Variants in ZBTB7C observed in about 807,000 individuals in gnomAD.
The protein encoded by ZBTB7C is zinc finger and BTB domain containing 7C.
In ZBTB7C, 8 loss-of-function variants were observed where a neutral mutation model predicts 25.7. The ratio of observed to expected loss-of-function variants is 0.31; its 90% CI spans 0.18 to 0.56. ZBTB7C has a LOEUF of 0.56. Among genes scored for constraint, ZBTB7C ranks in the 20% least tolerant of loss-of-function variants. The pLI, the probability that ZBTB7C is intolerant of heterozygous loss-of-function variation, is 0.91. For missense variants in ZBTB7C, 824 were observed against 855.2 expected, an observed-to-expected ratio of 0.96 and a Z score of 0.46; for synonymous variants, 394 against 369.0, an observed-to-expected ratio of 1.07 and a Z score of -0.78.
intron 3 of ZBTB7C, chr18:48,041,455 G>A: frequency 2.0e-6 from 2 of 985,430 alleles, no homozygotes; most frequent in Non-Finnish European, 2.4e-6. Context: ...ACAACTGCAG[G>A]ATGAAAAGCC....
chr18:48,269,565 C>T (rs1179040874), intron 2 of ZBTB7C, among the ~76,000 whole-genome samples: 1 of 152,218 alleles, frequency 6.6e-6, no homozygotes, highest in East Asian at 1.9e-4. Context: ...GGTTCAGCAT[C>T]AGGAGCTTCT....
intron 3 of ZBTB7C, among the ~76,000 whole-genome samples, chr18:48,161,690 TGCCCGGCCCG>T: frequency 7.1e-6 from 1 of 140,362 alleles, no homozygotes; most frequent in South Asian, 2.3e-4. Flanking sequence ...TTCACTCGGC[TGCCCGGCCCG>T]GCCCGGCCCG....
chr18:48,325,352 A>C (rs948066013), intron 2 of ZBTB7C, among the ~76,000 whole-genome samples: 1 of 152,216 alleles, frequency 6.6e-6, no homozygotes, highest in African/African-American at 2.4e-5. Context: ...GCAGCCTGTA[A>C]TACAATATAA....
intron 1 of ZBTB7C, among the ~76,000 whole-genome samples, chr18:48,374,668 C>A (rs529503199): frequency 6.6e-6 from 1 of 152,240 alleles, no homozygotes; most frequent in African/African-American, 2.4e-5. Context: ...TGTTCACCAG[C>A]CTGGTATTAC....
intron 1 of ZBTB7C, among the ~76,000 whole-genome samples, chr18:48,395,281 G>A (rs1031361831): frequency 9.0e-5 from 5 of 55,504 alleles, no homozygotes; most frequent in African/African-American, 2.6e-4. Flanking sequence ...GTGTGTGTGT[G>A]TGTGTGTGTG....
chr18:48,351,768 C>G (rs1440764032), intron 1 of ZBTB7C, among the ~76,000 whole-genome samples: 1 of 152,188 alleles, frequency 6.6e-6, no homozygotes, highest in Non-Finnish European at 1.5e-5. Context: ...GCAGCCAGAG[C>G]CAGGCCTACG....
intron 1 of ZBTB7C, 95 bp downstream of exon 1, chr18:48,409,131 C>T (rs1199317310): frequency 6.6e-6 from 1 of 151,306 alleles, no homozygotes; most frequent in Non-Finnish European, 1.5e-5. Context: ...CCGCCCGCCG[C>T]CCCGCGACCT....
chr18:48,320,870 G>A (rs961564980), intron 2 of ZBTB7C, among the ~76,000 whole-genome samples: 11 of 152,194 alleles, frequency 7.2e-5, no homozygotes, highest in African/African-American at 1.9e-4. Context: ...CCATCTGTGC[G>A]GCCAGGGGGC....
At chr18:48,287,127 A>G (rs1399889127) in intron 2 of ZBTB7C, among the ~76,000 whole-genome samples, 1 of 152,270 alleles carries the variant, frequency 6.6e-6, no homozygotes, top group Admixed American at 6.5e-5. Flanking sequence ...ATCAGTAACA[A>G]ACGGTAACTA....
intron 3 of ZBTB7C, among the ~76,000 whole-genome samples, chr18:48,123,720 T>A (rs2039705556): frequency 6.6e-6 from 1 of 152,184 alleles, no homozygotes; most frequent in Non-Finnish European, 1.5e-5. Context: ...ACATTCAGGG[T>A]TAATTTTGTA....
chr18:48,338,920 G>A (rs972522336), intron 1 of ZBTB7C, among the ~76,000 whole-genome samples: 6 of 151,814 alleles, frequency 4.0e-5, no homozygotes, highest in Non-Finnish European at 8.8e-5. Flanking sequence ...TTGGGGGGGG[G>A]GGGTCCAGGT....
At chr18:48,329,311 TCCCCTGTG>T (rs1325697099) in intron 2 of ZBTB7C, among the ~76,000 whole-genome samples, 1 of 152,206 alleles carries the variant, frequency 6.6e-6, no homozygotes, top group Non-Finnish European at 1.5e-5. Flanking sequence ...TCCTGTTGGA[TCCCCTGTG>T]CCCTGTTGCT....
At chr18:48,286,239 T>TGTGG in intron 2 of ZBTB7C, among the ~76,000 whole-genome samples, 1 of 118,620 alleles carries the variant, frequency 8.4e-6, no homozygotes, top group Non-Finnish European at 1.8e-5. Flanking sequence ...TGTGCGTGTG[T>TGTGG]GTGTGTGTGT....
At chr18:48,343,223 C>A (rs2046646092) in intron 1 of ZBTB7C, among the ~76,000 whole-genome samples, 1 of 152,076 alleles carries the variant, frequency 6.6e-6, no homozygotes, top group African/African-American at 2.4e-5. Context: ...GGTATTAGAT[C>A]TAACTGCATC....
intron 1 of ZBTB7C, among the ~76,000 whole-genome samples, chr18:48,399,282 G>A (rs1484326294): frequency 1.3e-5 from 2 of 152,208 alleles, no homozygotes; most frequent in Non-Finnish European, 2.9e-5. Context: ...AGCAGTGAGA[G>A]AAAGATGTTT....
At chr18:48,260,358 G>A (rs370031330) in intron 2 of ZBTB7C, among the ~76,000 whole-genome samples, 1 of 152,208 alleles carries the variant, frequency 6.6e-6, no homozygotes, top group Non-Finnish European at 1.5e-5. Flanking sequence ...CTAGGAGTGG[G>A]AGGATATGAT....
At chr18:48,232,727 T>C (rs891539748) in intron 2 of ZBTB7C, among the ~76,000 whole-genome samples, 2 of 152,226 alleles carry the variant, frequency 1.3e-5, no homozygotes, top group African/African-American at 4.8e-5. Context: ...TGCCTCCTAG[T>C]TAATTCAGTA....
intron 1 of ZBTB7C, among the ~76,000 whole-genome samples, chr18:48,374,571 G>C (rs897353502): frequency 6.6e-5 from 10 of 152,096 alleles, no homozygotes; most frequent in African/African-American, 1.2e-4. Flanking sequence ...TTTTCTTTTG[G>C]TCCCTCTCTT....
At chr18:48,217,777 C>T (rs1387440692) in intron 2 of ZBTB7C, among the ~76,000 whole-genome samples, 1 of 152,192 alleles carries the variant, frequency 6.6e-6, no homozygotes, top group African/African-American at 2.4e-5. Flanking sequence ...CCCAGCCAGC[C>T]CTGTCTGGCC....
Sources: allele counts gnomAD v4.1 joint callset (sites outside exome capture counted in the v4.1 genomes callset), GRCh38; gene constraint gnomAD v4.1.1; transcripts MANE v1.5; gene names NCBI Gene and HGNC (gene_info 2026-07-23, HGNC 2026-07-21).